The following VWA8 variants were observed in gnomAD, a reference collection of about 807,000 sequenced individuals.
The protein encoded by VWA8 is von Willebrand factor A domain containing 8, also known as von Willebrand factor A domain-containing protein 8.
VWA8 carries 221 observed loss-of-function variants against 241.5 expected under a neutral mutation model. The ratio of observed to expected loss-of-function variants is 0.91; its 90% CI spans 0.82 to 1.02. The LOEUF is 1.02. Among genes scored for constraint, VWA8 ranks in the 50% least tolerant of loss-of-function variants. The pLI, the probability that VWA8 is intolerant of heterozygous loss-of-function variation, is 0.00. For missense variants in VWA8, 2,322 were observed against 2,328.7 expected (o/e 1.00, Z 0.06); for synonymous variants, 852 against 827.1 (o/e 1.03, Z -0.52).
intron 40 of VWA8, among the ~76,000 whole-genome samples, chr13:41,598,045 T>G (rs1049105302): frequency 6.6e-6 from 1 of 152,004 alleles, no homozygotes; most frequent in Non-Finnish European, 1.5e-5. Flanking sequence ...TCCAAAGAGG[T>G]TTTTCCTGTA....
chr13:41,952,812 AACTGAGGAGAG>A (rs1878195371), intron 1 of VWA8, among the ~76,000 whole-genome samples: 1 of 152,168 alleles, frequency 6.6e-6, no homozygotes, highest in Non-Finnish European at 1.5e-5. Context: ...CAAACTGAGT[AACTGAGGAGAG>A]TACAAAAAGG....
In VWA8 at chr13:41,692,951, C is replaced by G. The variant is rs750185690; in HGVS notation, c.3586G>C (p.Asp1196His). The change falls in exon 30 of 45, where the codon GAT becomes CAT. Residue 1196 changes from aspartate to histidine, a missense_variant. Transcript: ENST00000379310. ...CGATGAAGGGCCCGGCCAGTAGTAT[C>G]TAACAACAGGATAACATTACTCTGC... ...EQQSNVILLLDTTGRALHRLI... is the reference protein window; with the variant it reads ...EQQSNVILLLHTTGRALHRLI... 1.2e-6 allele frequency: 2 copies of G among 1,605,852 alleles called. No individual in the cohort carries two copies. Among genetic ancestry groups the G allele is most frequent in the Non-Finnish European group, 1.7e-6 (2 of 1,175,302 alleles).
intron 2 of VWA8, among the ~76,000 whole-genome samples, chr13:41,920,720 C>T (rs1432913989): frequency 4.6e-5 from 7 of 152,150 alleles, no homozygotes; most frequent in South Asian, 4.2e-4. Context: ...ACACATACAC[C>T]CTCCCAAGAC....
intron 2 of VWA8, chr13:41,927,433 G>A (rs1876900382): frequency 2.5e-6 from 1 of 394,690 alleles, no homozygotes; most frequent in South Asian, 2.1e-5. Context: ...ATTCTTGTGT[G>A]TTGCTTTCCA....
chr13:41,704,679 G>A (rs1458774176), intron 26 of VWA8, among the ~76,000 whole-genome samples: 1 of 151,878 alleles, frequency 6.6e-6, no homozygotes, highest in Non-Finnish European at 1.5e-5. Flanking sequence ...GTGTTGCCCA[G>A]GCTGGTCTCA....
intron 37 of VWA8, among the ~76,000 whole-genome samples, chr13:41,656,914 G>A (rs1012599823): frequency 1.3e-5 from 2 of 152,152 alleles, no homozygotes; most frequent in African/African-American, 2.4e-5. Flanking sequence ...CTTCTGGGGT[G>A]CTCCCCTCCC....
chr13:41,742,964 A>C (rs2045579571), intron 21 of VWA8, among the ~76,000 whole-genome samples: 2 of 152,228 alleles, frequency 1.3e-5, no homozygotes, highest in Admixed American at 1.3e-4. Context: ...TTCTTAGAGG[A>C]AAACACTTTG....
chr13:41,866,204 C>T (rs1873294572), intron 10 of VWA8, among the ~76,000 whole-genome samples, 168 bp from the exon 11 acceptor site: 5 of 152,036 alleles, frequency 3.3e-5, no homozygotes, highest in Admixed American at 3.3e-4. Flanking sequence ...AAAAAATTAG[C>T]TGGGCATGGT....
chr13:41,945,199 C>T (rs529301848), intron 2 of VWA8, among the ~76,000 whole-genome samples: 171 of 152,086 alleles, frequency 1.1e-3, no homozygotes, highest in African/African-American at 3.8e-3. Flanking sequence ...AAGAAATCTC[C>T]GTTCAAACAT....
chr13:41,799,864 C>A (rs1869869216), intron 17 of VWA8, among the ~76,000 whole-genome samples: 1 of 152,162 alleles, frequency 6.6e-6, no homozygotes, highest in Non-Finnish European at 1.5e-5. Flanking sequence ...GTGCAACCAT[C>A]ACCACAAGCA....
intron 8 of VWA8, among the ~76,000 whole-genome samples, chr13:41,884,109 T>C (rs1424796319): frequency 6.6e-6 from 1 of 152,116 alleles, no homozygotes; most frequent in African/African-American, 2.4e-5. Flanking sequence ...TGTGATAATG[T>C]TGTTCTGGTT....
chr13:41,869,769 A>C, intron 9 of VWA8, among the ~76,000 whole-genome samples: 1 of 152,094 alleles, frequency 6.6e-6, no homozygotes, highest in Admixed American at 6.6e-5. Context: ...GAATACAGGT[A>C]AGTATGTGAA....
At chr13:41,584,892 G>A (rs1289033348) in intron 42 of VWA8, among the ~76,000 whole-genome samples, 1 of 152,160 alleles carries the variant, frequency 6.6e-6, no homozygotes, top group Non-Finnish European at 1.5e-5. Context: ...GTGTGAAGAA[G>A]CAGCTCTGCT....
At chr13:41,719,351 A>G in intron 26 of VWA8, 1 of 1,332,938 alleles carries the variant, frequency 7.5e-7, no homozygotes, top group Non-Finnish European at 9.6e-7. Context: ...AGAAACAAAT[A>G]TTTCCCTTTA....
intron 13 of VWA8, among the ~76,000 whole-genome samples, chr13:41,832,331 G>C (rs1415400953): frequency 6.6e-6 from 1 of 152,142 alleles, no homozygotes; most frequent in Non-Finnish European, 1.5e-5. Context: ...CTCAATTAAT[G>C]GTAGTAGCTG....
At chr13:41,759,218 A>C (rs2045721841) in intron 21 of VWA8, among the ~76,000 whole-genome samples, 1 of 151,636 alleles carries the variant, frequency 6.6e-6, no homozygotes, top group African/African-American at 2.4e-5. Flanking sequence ...AAATATACTA[A>C]TCTATACTGA....
chr13:41,762,684 C>T (rs2045749182), intron 20 of VWA8, among the ~76,000 whole-genome samples: 1 of 152,066 alleles, frequency 6.6e-6, no homozygotes, highest in South Asian at 2.1e-4. Context: ...GGTATTTTTA[C>T]TACATACGCA....
chr13:41,831,351 C>A (rs1225511519), intron 13 of VWA8, among the ~76,000 whole-genome samples: 1 of 152,170 alleles, frequency 6.6e-6, no homozygotes, highest in Non-Finnish European at 1.5e-5. Flanking sequence ...TCCAGCTGTG[C>A]ACCTTACTAG....
At chr13:41,926,079 A>T in intron 2 of VWA8, 1 of 481,860 alleles carries the variant, frequency 2.1e-6, no homozygotes, top group Non-Finnish European at 3.9e-6. Flanking sequence ...GAATCCCAGA[A>T]ATTATAAATC....
Sources: allele counts gnomAD v4.1 joint callset (sites outside exome capture counted in the v4.1 genomes callset), GRCh38; gene constraint gnomAD v4.1.1; transcripts MANE v1.5; gene names NCBI Gene and HGNC (gene_info 2026-07-23, HGNC 2026-07-21).